PARD3: variants seen among roughly 807,000 people sequenced by gnomAD.
The protein encoded by PARD3 is partitioning defective 3 homolog.
Under a neutral mutation model 155.4 loss-of-function variants are expected in PARD3, and 75 were observed. That is an observed-to-expected ratio of 0.48 (90% CI 0.40 to 0.58). The LOEUF (loss-of-function observed/expected upper bound fraction) is 0.58. Ranked by LOEUF, PARD3 falls within the 20% of genes least tolerant of loss-of-function variation. The pLI, the probability that PARD3 is intolerant of heterozygous loss-of-function variation, is 0.00. For synonymous variants in PARD3, 576 were observed against 610.5 expected (o/e 0.94, Z 0.83); for missense variants, 1,642 against 1,721.7 (o/e 0.95, Z 0.82).
intron 2 of PARD3, among the ~76,000 whole-genome samples, chr10:34,587,171 T>C (rs1043477813): frequency 2.0e-5 from 3 of 152,156 alleles, no homozygotes; most frequent in Admixed American, 6.5e-5. Flanking sequence ...TCACCCAGGC[T>C]GGAGGGCAGT....
chr10:34,337,234 TA>T, intron 17 of PARD3, 40 bp downstream of exon 17: 1 of 1,318,236 alleles, frequency 7.6e-7, no homozygotes, highest in Non-Finnish European at 1.0e-6. Flanking sequence ...TGAAAGCATT[TA>T]AAACTTATTT....
chr10:34,304,352 AG>A (rs1425583770), intron 20 of PARD3, among the ~76,000 whole-genome samples: 2 of 151,580 alleles, frequency 1.3e-5, no homozygotes, highest in Non-Finnish European at 2.9e-5. Context: ...AAAAAAAAAA[AG>A]AATTATTTTG....
chr10:34,661,419 G>A (rs1431111928), intron 2 of PARD3, among the ~76,000 whole-genome samples: 3 of 152,172 alleles, frequency 2.0e-5, no homozygotes, highest in African/African-American at 7.2e-5. Context: ...TATTGATCAT[G>A]CCTGATTAGG....
chr10:34,545,522 A>G (rs2083971356), intron 2 of PARD3, among the ~76,000 whole-genome samples: 1 of 152,206 alleles, frequency 6.6e-6, no homozygotes, highest in Admixed American at 6.5e-5. Context: ...AACACCCTTA[A>G]ACATACAGAA....
At chr10:34,174,642 T>C (rs573471399) in intron 22 of PARD3, among the ~76,000 whole-genome samples, 1 of 152,306 alleles carries the variant, frequency 6.6e-6, no homozygotes, top group South Asian at 2.1e-4. Flanking sequence ...ATCAAAGAGC[T>C]TGGGTTCTAT....
chr10:34,794,050 T>C (rs1588781258), intron 1 of PARD3, among the ~76,000 whole-genome samples: 1 of 152,024 alleles, frequency 6.6e-6, no homozygotes, highest in African/African-American at 2.4e-5. Flanking sequence ...GGTTGAATTA[T>C]ACTTGAAAAC....
chr10:34,525,899 G>A (rs957785750), intron 2 of PARD3, among the ~76,000 whole-genome samples: 1 of 151,514 alleles, frequency 6.6e-6, no homozygotes, highest in African/African-American at 2.4e-5. Context: ...TGGCCAACAT[G>A]GTGAAACCTC....
intron 5 of PARD3, among the ~76,000 whole-genome samples, chr10:34,430,629 T>C (rs1052176138): frequency 6.6e-6 from 1 of 152,120 alleles, no homozygotes; most frequent in Non-Finnish European, 1.5e-5. Flanking sequence ...ATAAGAAAAC[T>C]AAAATAGGAA....
chr10:34,402,372 C>T (rs752939743), intron 5 of PARD3, among the ~76,000 whole-genome samples: 2 of 152,086 alleles, frequency 1.3e-5, no homozygotes, highest in Non-Finnish European at 2.9e-5. Flanking sequence ...ATAACCATTA[C>T]CAAAAGCTTC....
In PARD3 at chr10:34,146,573, T is replaced by C. The variant is rs557116078; in HGVS notation, c.3420-14990A>G. Reference sequence around the variant, plus strand: ...GGTGCTATACTCAAACTAGTTTTCCTTTCTTTGACATGTGATGAAAATCAC... The same window carrying C: ...GGTGCTATACTCAAACTAGTTTTCCCTTCTTTGACATGTGATGAAAATCAC... On this transcript the variant is annotated intron_variant, in intron 22 of 24. Transcript: ENST00000374788. Among the ~76,000 whole-genome samples the C allele has an allele frequency of 7.2e-4, 109 of 152,356 alleles. 1 individual carries two copies. The highest frequency in any genetic ancestry group is 2.6e-3 in the African/African-American group (109 of 41,586).
chr10:34,792,817 C>T (rs1841828087), intron 1 of PARD3, among the ~76,000 whole-genome samples: 1 of 152,264 alleles, frequency 6.6e-6, no homozygotes, highest in African/African-American at 2.4e-5. Flanking sequence ...TTGATGGTAT[C>T]AGCTCACTCG....
At chr10:34,560,043 C>T (rs2085337456) in intron 2 of PARD3, among the ~76,000 whole-genome samples, 1 of 152,084 alleles carries the variant, frequency 6.6e-6, no homozygotes, top group South Asian at 2.1e-4. Flanking sequence ...TTATCTGCAT[C>T]ATAAAAACCA....
At chr10:34,674,051 G>C (rs1484397076) in intron 2 of PARD3, among the ~76,000 whole-genome samples, 1 of 151,256 alleles carries the variant, frequency 6.6e-6, no homozygotes, top group African/African-American at 2.4e-5. Context: ...TTCTTAGCAA[G>C]TAGTTTTCTA....
chr10:34,541,015 A>G (rs2083572205), intron 2 of PARD3, among the ~76,000 whole-genome samples: 1 of 152,204 alleles, frequency 6.6e-6, no homozygotes, highest in Non-Finnish European at 1.5e-5. Context: ...TTAAGATATA[A>G]GTAAAATTTT....
At chr10:34,669,403 G>A (rs2133231371) in intron 2 of PARD3, among the ~76,000 whole-genome samples, 1 of 152,256 alleles carries the variant, frequency 6.6e-6, no homozygotes, top group East Asian at 1.9e-4. Flanking sequence ...GCTAAATAAT[G>A]TATACACACG....
At chr10:34,780,955 C>T (rs977094995) in intron 1 of PARD3, among the ~76,000 whole-genome samples, 7 of 152,350 alleles carry the variant, frequency 4.6e-5, no homozygotes, top group Middle Eastern at 3.4e-3. Context: ...TAACGGGAAA[C>T]ATAAAAGCAA....
At chr10:34,643,543 A>G (rs2132971668) in intron 2 of PARD3, among the ~76,000 whole-genome samples, 1 of 152,380 alleles carries the variant, frequency 6.6e-6, no homozygotes, top group South Asian at 2.1e-4. Context: ...GTGCTTTGTT[A>G]TGTATAAATA....
At chr10:34,530,940 C>T (rs140794444) in intron 2 of PARD3, among the ~76,000 whole-genome samples, 2 of 152,286 alleles carry the variant, frequency 1.3e-5, no homozygotes, top group Admixed American at 6.5e-5. Context: ...CTTTAAAAGG[C>T]GACAGTCCCT....
intron 2 of PARD3, among the ~76,000 whole-genome samples, chr10:34,630,975 T>C (rs2092244463): frequency 6.6e-6 from 1 of 152,006 alleles, no homozygotes; most frequent in Non-Finnish European, 1.5e-5. Context: ...CCACCACGCC[T>C]GGATAACTGT....
Sources: gnomAD v4.1 joint callset for allele counts (sites outside exome capture counted in the v4.1 genomes callset) on GRCh38, gnomAD v4.1.1 for gene constraint, MANE v1.5 for transcripts, NCBI Gene and HGNC (gene_info 2026-07-23, HGNC 2026-07-21) for gene names.